Variants in JMJD1C observed in about 807,000 individuals in gnomAD.
The protein encoded by JMJD1C is jumonji domain containing 1C.
A neutral mutation model predicts 245.3 loss-of-function variants in JMJD1C; 31 were observed. The ratio of observed to expected loss-of-function variants is 0.13; its 90% confidence interval spans 0.09 to 0.17. The LOEUF (loss-of-function observed/expected upper bound fraction) is 0.17, where lower values mean the gene tolerates loss of function less well. Among genes scored for constraint, JMJD1C ranks in the 10% least tolerant of loss-of-function variants. The pLI, the probability that JMJD1C is intolerant of heterozygous loss-of-function variation, is 1.00. For synonymous variants in JMJD1C, 1,057 were observed against 1,017.4 expected, an observed-to-expected ratio of 1.04 and a Z score of -0.74; for missense variants, 2,691 against 3,000.2, an observed-to-expected ratio of 0.90 and a Z score of 2.41.
intron 1 of JMJD1C, among the ~76,000 whole-genome samples, chr10:63,434,706 G>A (rs755578706): frequency 2.0e-5 from 3 of 151,830 alleles, no homozygotes; most frequent in South Asian, 2.1e-4. Flanking sequence ...AAGTCAGAGC[G>A]CATCTATTAA....
intron 2 of JMJD1C, among the ~76,000 whole-genome samples, chr10:63,309,566 A>C (rs1205772740): frequency 2.0e-5 from 3 of 150,400 alleles, no homozygotes; most frequent in Admixed American, 6.6e-5. Context: ...TCTCAAGTTT[A>C]TAACTGTATA....
intron 3 of JMJD1C, among the ~76,000 whole-genome samples, chr10:63,262,833 T>C (rs879816161): frequency 2.7e-5 from 4 of 150,908 alleles, no homozygotes; most frequent in Non-Finnish European, 5.9e-5. Flanking sequence ...CCCCCCCCAC[T>C]CTCCCCCAGC....
At chr10:63,238,007 A>G (rs368473503) in intron 3 of JMJD1C, among the ~76,000 whole-genome samples, 39 of 7,808 alleles carry the variant, frequency 5.0e-3, no homozygotes, top group Middle Eastern at 0.071. Flanking sequence ...CGTCTCTACT[A>G]AAAAAAAAAA....
At chr10:63,179,099 A>C (rs1306857701) in intron 22 of JMJD1C, among the ~76,000 whole-genome samples, 1 of 152,216 alleles carries the variant, frequency 6.6e-6, no homozygotes, top group Non-Finnish European at 1.5e-5. Flanking sequence ...TTAAGTGTCC[A>C]TCCACGGATG....
chr10:63,448,962 C>G (rs1207962140), intron 1 of JMJD1C, among the ~76,000 whole-genome samples: 2 of 151,840 alleles, frequency 1.3e-5, no homozygotes, highest in Admixed American at 6.6e-5. Flanking sequence ...ACTAAAAATA[C>G]AAAAATTAGC....
chr10:63,285,002 GGGA>G (rs1857830352), intron 2 of JMJD1C, among the ~76,000 whole-genome samples: 4 of 152,056 alleles, frequency 2.6e-5, no homozygotes. Flanking sequence ...TTTGGGATTT[GGGA>G]GGAAACCAGG....
At chr10:63,176,860 C>T (rs77940692) in intron 23 of JMJD1C, 7,718 of 145,330 alleles carry the variant, frequency 0.053, 292 homozygotes, top group African/African-American at 0.12. Context: ...ATTTCATAAA[C>T]ATTTATTGAT....
intron 13 of JMJD1C, among the ~76,000 whole-genome samples, chr10:63,196,305 C>G (rs115533576): frequency 6.6e-6 from 1 of 151,700 alleles, no homozygotes; most frequent in Non-Finnish European, 1.5e-5. Flanking sequence ...AACAATACAA[C>G]AATTTACTTT....
chr10:63,194,305 G>C lies in JMJD1C; in HGVS notation c.5715C>G (p.Thr1905=), dbSNP rs770101544. ...QPHDHKHLMP[T]QIIPGSVLTD... is the part of the protein sequence containing the mutation. The stretch of plus-strand genomic sequence containing the variant: ...ACTTACCAGAACCAGGTATAATTTG[G>C]GTTGGCATTAAATGTTTGTGATCAT... Residue 1905 remains threonine (T), a synonymous_variant, in exon 14 of 26, where the codon ACC becomes ACG. Coordinates refer to ENST00000399262, the MANE Select transcript of JMJD1C (RefSeq NM_032776.3). 6.2e-6 allele frequency: 10 copies of C among 1,610,018 alleles called. No homozygotes were observed. The highest frequency in any genetic ancestry group is 8.5e-6 in the Non-Finnish European group (10 of 1,176,418).
intron 3 of JMJD1C, among the ~76,000 whole-genome samples, chr10:63,253,390 T>C (rs1343269070): frequency 6.6e-6 from 1 of 151,384 alleles, no homozygotes; most frequent in Non-Finnish European, 1.5e-5. Flanking sequence ...ATTACACCTT[T>C]TTTTTTTTTT....
At chr10:63,197,164 G>T (rs1256407873) in intron 13 of JMJD1C, among the ~76,000 whole-genome samples, 1 of 152,006 alleles carries the variant, frequency 6.6e-6, no homozygotes. Flanking sequence ...CTACATTAAG[G>T]AACTATCTGA....
At position 63,214,938 on chromosome 10, in the gene JMJD1C, T is replaced by C. The variant is rs1847807335; in HGVS notation, c.1229A>G (p.Asn410Ser). Residue 410 changes from asparagine (N) to serine (S), a missense_variant, in exon 8 of 26, where the codon AAT becomes AGT. By Grantham distance (46) the Asn-to-Ser change is conservative (BLOSUM62 1). Transcript: ENST00000399262. ...ELKNKNTSKI[N>S]GEEGKPHNNE... ...ATTATGGGGTTTTCCTTCTTCTCCATTTATTTTTGAAGTATTTTTATTTTT... is the reference window on the plus strand; with the variant it reads ...ATTATGGGGTTTTCCTTCTTCTCCACTTATTTTTGAAGTATTTTTATTTTT... 1.6e-5 allele frequency: 25 copies of C among 1,603,956 alleles called. No homozygotes were observed. The highest frequency in any genetic ancestry group is 2.0e-5 in the Non-Finnish European group (23 of 1,175,234).
chr10:63,207,492 T>C lies in JMJD1C; in HGVS notation c.4177A>G (p.Asn1393Asp). Reference protein sequence around the residue: ...SVMSAVNTMCNTKTDVITSAA... With the variant: ...SVMSAVNTMCDTKTDVITSAA... Reference sequence around the variant, plus strand: ...GATGTGATTACATCCGTTTTGGTATTACACATCGTATTTACAGCAGACATG... The same window carrying C: ...GATGTGATTACATCCGTTTTGGTATCACACATCGTATTTACAGCAGACATG... The change falls in exon 10 of 26, where the codon AAT becomes GAT. Residue 1393 changes from asparagine to aspartate, a missense_variant. Around this residue, in one of 9 missense-constraint regions of JMJD1C, gnomAD observed 1,562 missense variants for 1,490.7 expected, o/e 1.05. Coordinates refer to ENST00000399262, the MANE Select transcript of JMJD1C (RefSeq NM_032776.3). 6.2e-7 allele frequency: 1 copy of C among 1,614,222 alleles called. No individual in the cohort carries two copies. Among genetic ancestry groups the C allele is most frequent in the East Asian group, 2.2e-5 (1 of 44,888 alleles).
chr10:63,398,624 T>A (rs1320230338), intron 1 of JMJD1C, among the ~76,000 whole-genome samples: 1 of 151,878 alleles, frequency 6.6e-6, no homozygotes. Flanking sequence ...AATTGCTTCA[T>A]CATTTACTAT....
intron 10 of JMJD1C, among the ~76,000 whole-genome samples, chr10:63,205,538 G>C (rs547557709): frequency 5.0e-4 from 76 of 152,322 alleles, no homozygotes; most frequent in South Asian, 8.3e-4. Context: ...TGTAAGCGTT[G>C]TGTTGGGCAT....
chr10:63,261,125 T>C (rs1161067508), intron 3 of JMJD1C, among the ~76,000 whole-genome samples: 1 of 152,094 alleles, frequency 6.6e-6, no homozygotes, highest in Admixed American at 6.5e-5. Flanking sequence ...CACTTAACAA[T>C]ATCGAGGCCT....
chr10:63,520,822 C>A (rs1240549229), intron 1 of JMJD1C, among the ~76,000 whole-genome samples: 1 of 152,190 alleles, frequency 6.6e-6, no homozygotes, highest in East Asian at 1.9e-4. Flanking sequence ...CTCCTCTGTC[C>A]CTCCCTGCAT....
chr10:63,348,258 G>C (rs1298926798), intron 2 of JMJD1C, among the ~76,000 whole-genome samples: 6 of 150,984 alleles, frequency 4.0e-5, no homozygotes, highest in Non-Finnish European at 7.4e-5. Flanking sequence ...AAAAAGTCCT[G>C]GCATTTGACC....
chr10:63,201,081 A>C (rs2133085852), intron 10 of JMJD1C, among the ~76,000 whole-genome samples: 1 of 152,358 alleles, frequency 6.6e-6, no homozygotes. Context: ...CAAGATCCAC[A>C]GCAAGAACGT....
Sources: allele counts gnomAD v4.1 joint callset (sites outside exome capture counted in the v4.1 genomes callset), GRCh38; gene constraint gnomAD v4.1.1; regional missense constraint gnomAD v4.1.1; transcripts MANE v1.5; gene names NCBI Gene and HGNC (gene_info 2026-07-23, HGNC 2026-07-21).